CARMIL1: variants seen among roughly 807,000 people sequenced by gnomAD.
CARMIL1 encodes the protein F-actin-uncapping protein LRRC16A.
CARMIL1 carries 90 observed loss-of-function variants against 177.1 expected under a neutral mutation model. That is an observed-to-expected ratio of 0.51 (90% confidence interval 0.43 to 0.61). The LOEUF is 0.61. CARMIL1 is among the 20% of genes least tolerant of loss of function. CARMIL1 has a pLI of 0.00. For missense variants in CARMIL1, 1,380 were observed against 1,667.0 expected (o/e 0.83, Z 3.00); for synonymous variants, 577 against 606.2 (o/e 0.95, Z 0.71).
chr6:25,395,049 T>C (rs2328882), intron 2 of CARMIL1, among the ~76,000 whole-genome samples: 20,788 of 152,238 alleles, frequency 0.14, 1,651 homozygotes, highest in East Asian at 0.32. Flanking sequence ...GTTTTTTCCC[T>C]TTATTTCTCT....
At chr6:25,538,594 T>G (rs1728816015) in intron 25 of CARMIL1, among the ~76,000 whole-genome samples, 1 of 152,196 alleles carries the variant, frequency 6.6e-6, no homozygotes, top group South Asian at 2.1e-4. Flanking sequence ...AGAAGCATCT[T>G]TTGTTATAGT....
chr6:25,515,884 C>G lies in CARMIL1; in HGVS notation c.1805+37C>G, dbSNP rs751444959. ...CCACCCTCCCTGCTCATGAGGAAGG[C>G]TTGGAGCAGATTCCGAACAGCAAGC... On this transcript the variant is annotated intron_variant, in intron 21 of 36. Transcript: ENST00000329474. The surrounding 1 kb of genome is among the most constrained non-coding windows in gnomAD (Gnocchi z 5.0). The G allele has an allele frequency of 2.6e-6, 4 of 1,556,622 alleles. No individual in the cohort carries two copies. The highest frequency in any genetic ancestry group is 3.5e-6 in the Non-Finnish European group (4 of 1,149,778).
chr6:25,392,145 A>G (rs539463893), intron 2 of CARMIL1, among the ~76,000 whole-genome samples: 5 of 151,812 alleles, frequency 3.3e-5, no homozygotes, highest in Non-Finnish European at 5.9e-5. Context: ...CCATACATAC[A>G]TTGCTAACCT....
intron 5 of CARMIL1, among the ~76,000 whole-genome samples, chr6:25,441,927 A>C (rs1797817093): frequency 6.6e-6 from 1 of 152,068 alleles, no homozygotes; most frequent in Non-Finnish European, 1.5e-5. Context: ...GATATTGTTA[A>C]TACAGGTATG....
rs1000151019 is a variant in CARMIL1, at chr6:25,598,266, T to C, written c.3120-2048T>C. Among the ~76,000 whole-genome samples the C allele has an allele frequency of 1.7e-3, 264 of 152,252 alleles. 1 individual carries two copies. Among genetic ancestry groups the C allele is most frequent in the African/African-American group, 6.1e-3 (255 of 41,528 alleles). On this transcript the variant is annotated intron_variant, in intron 32 of 36. Transcript: ENST00000329474. ...ATTATTATTATTATTTGAGATAGCA[T>C]CTCACTCTGTCACCCAGGCTATAGT...
At chr6:25,487,097 A>C (rs1802736936) in intron 12 of CARMIL1, among the ~76,000 whole-genome samples, 1 of 152,194 alleles carries the variant, frequency 6.6e-6, no homozygotes, top group African/African-American at 2.4e-5. Flanking sequence ...ATGTGCGCCC[A>C]CTTTGAGAAA....
intron 16 of CARMIL1, among the ~76,000 whole-genome samples, chr6:25,497,599 G>A (rs1015863786): frequency 3.3e-5 from 5 of 152,132 alleles, no homozygotes; most frequent in East Asian, 1.9e-4. Flanking sequence ...AGCAGTGTCC[G>A]CTGCTCTCAG....
intron 2 of CARMIL1, among the ~76,000 whole-genome samples, chr6:25,296,935 T>TCTTTAAC (rs11414122): frequency 0.076 from 10,268 of 135,388 alleles, 438 homozygotes; most frequent in Non-Finnish European, 0.098. Context: ...CTATCTATCT[T>TCTTTAAC]TAACTAACTA....
In CARMIL1 at chr6:25,279,432, C is replaced by T; in HGVS notation, c.-364C>T. On this transcript the variant is annotated 5_prime_UTR_variant, in exon 1 of 37. Coordinates refer to ENST00000329474, the MANE Select transcript of CARMIL1 (RefSeq NM_017640.6). Reference sequence around the variant, plus strand: ...CTGTAGGTGCGGCGCGGAGGCTGGGCGGGAGCTACGCCGGCCCAAGCCCCG... The same window carrying T: ...CTGTAGGTGCGGCGCGGAGGCTGGGTGGGAGCTACGCCGGCCCAAGCCCCG... 2 of 369,782 alleles carry T rather than the reference C, an allele frequency of 5.4e-6. No homozygotes were observed. The highest frequency in any genetic ancestry group is 2.7e-5 in the South Asian group (1 of 36,980). The allele number at this position is 369,782 out of a possible 1,614,324, so 22.9% of individuals were successfully genotyped here.
chr6:25,447,839 C>T (rs927494608), intron 5 of CARMIL1, among the ~76,000 whole-genome samples: 1 of 152,130 alleles, frequency 6.6e-6, no homozygotes, highest in Non-Finnish European at 1.5e-5. Context: ...CACCCCCATC[C>T]TGCCTTCCTG....
At chr6:25,565,564 C>T (rs1257313626) in intron 29 of CARMIL1, among the ~76,000 whole-genome samples, 3 of 152,086 alleles carry the variant, frequency 2.0e-5, no homozygotes, top group Non-Finnish European at 2.9e-5. Flanking sequence ...TTACCTTCAG[C>T]GGCTAGGTAC....
intron 2 of CARMIL1, among the ~76,000 whole-genome samples, chr6:25,287,266 C>T (rs1173155902): frequency 1.3e-5 from 2 of 152,190 alleles, no homozygotes; most frequent in Admixed American, 1.3e-4. Context: ...CCCCATTGCC[C>T]ACCATTCACT....
chr6:25,347,702 A>T (rs555436828), intron 2 of CARMIL1, among the ~76,000 whole-genome samples: 1 of 152,236 alleles, frequency 6.6e-6, no homozygotes, highest in Admixed American at 6.5e-5. Flanking sequence ...TAATGTTAAC[A>T]TCTTATTTAA....
At chr6:25,488,310 T>TC (rs1802869332) in intron 12 of CARMIL1, among the ~76,000 whole-genome samples, 172 bp from the exon 13 acceptor site, 2 of 152,340 alleles carry the variant, frequency 1.3e-5, no homozygotes, top group East Asian at 3.9e-4. Context: ...AACCTGTTCT[T>TC]CCTGAGGGTG....
intron 27 of CARMIL1, among the ~76,000 whole-genome samples, chr6:25,551,414 G>A (rs1405517995): frequency 1.3e-5 from 2 of 152,128 alleles, no homozygotes; most frequent in African/African-American, 4.8e-5. Context: ...TCACTAGCTT[G>A]AAGATTGAGA....
intron 2 of CARMIL1, among the ~76,000 whole-genome samples, chr6:25,290,369 CTTTTT>C (rs910242856): frequency 2.1e-5 from 2 of 95,362 alleles, no homozygotes; most frequent in African/African-American, 7.9e-5. Flanking sequence ...TGCTGGGATT[CTTTTT>C]TTTTTTTTTT....
chr6:25,560,696 T>G (rs1469178766), intron 29 of CARMIL1, among the ~76,000 whole-genome samples: 3 of 152,158 alleles, frequency 2.0e-5, no homozygotes, highest in Non-Finnish European at 4.4e-5. Flanking sequence ...TCTGCTATAA[T>G]GAGTATATGG....
intron 2 of CARMIL1, among the ~76,000 whole-genome samples, chr6:25,412,166 A>C (rs1174251993): frequency 1.1e-4 from 17 of 152,254 alleles, no homozygotes; most frequent in Non-Finnish European, 2.9e-5. Flanking sequence ...TGTAAATAAC[A>C]GTAACAGACA....
chr6:25,431,197 C>T lies in CARMIL1; in HGVS notation c.250-4286C>T, dbSNP rs1300344837. ...ATTGATTTTCTATTTCCTATTTCAT[C>T]GACTTTTGCTCTGATCTTTGTTCTT... On this transcript the variant is annotated intron_variant, in intron 4 of 36. Coordinates refer to ENST00000329474, the MANE Select transcript of CARMIL1 (RefSeq NM_017640.6). Among the ~76,000 whole-genome samples the T allele has an allele frequency of 1.3e-5, 2 of 152,002 alleles. 1 individual carries two copies.
Sources: allele counts gnomAD v4.1 joint callset (sites outside exome capture counted in the v4.1 genomes callset), GRCh38; gene constraint gnomAD v4.1.1; non-coding constraint Gnocchi (gnomAD v3.1); transcripts MANE v1.5; gene names NCBI Gene and HGNC (gene_info 2026-07-23, HGNC 2026-07-21).